Variants in CLMN observed in about 807,000 individuals in gnomAD.
The protein encoded by CLMN is calmin, also known as calmin (calponin-like, transmembrane).
CLMN carries 57 observed loss-of-function variants against 92.7 expected under a neutral mutation model. That is an observed-to-expected ratio of 0.61 (90% confidence interval 0.50 to 0.77). The LOEUF (loss-of-function observed/expected upper bound fraction) is 0.77. Among genes scored for constraint, CLMN ranks in the 30% least tolerant of loss-of-function variants. The pLI, the probability that CLMN is intolerant of heterozygous loss-of-function variation, is 0.00. For synonymous variants in CLMN, 466 were observed against 470.6 expected, an observed-to-expected ratio of 0.99 and a Z score of 0.13; for missense variants, 1,158 against 1,237.5, an observed-to-expected ratio of 0.94 and a Z score of 0.96.
chr14:95,253,673 C>T (rs1039771766), intron 1 of CLMN, among the ~76,000 whole-genome samples: 4 of 149,820 alleles, frequency 2.7e-5, no homozygotes, highest in East Asian at 2.0e-4. Flanking sequence ...AGTGCAGTGG[C>T]GCGATCTCGG....
At position 95,221,767 on chromosome 14, in the gene CLMN, T is replaced by C. The variant is rs1897549569; in HGVS notation, c.248A>G (p.Glu83Gly). ...EVLSGRNLLH[E>G]YKSSSHRIFR... ...AATACGATGCGACGAGGATTTGTAT[T>C]CGTGCAGCTATAAAACAGAACAGAA... Residue 83 changes from glutamate (E) to glycine (G), a missense_variant, in exon 4 of 13, where the codon GAA (glutamate) becomes GGA (glycine). Coordinates refer to ENST00000298912, the MANE Select transcript of CLMN (RefSeq NM_024734.4). The C allele has an allele frequency of 6.2e-7, 1 of 1,614,066 alleles. No homozygotes were observed. The highest frequency in any genetic ancestry group is 8.5e-7 in the Non-Finnish European group (1 of 1,180,026).
chr14:95,237,809 C>T (rs144647652), intron 1 of CLMN, among the ~76,000 whole-genome samples: 133 of 152,292 alleles, frequency 8.7e-4, no homozygotes, highest in African/African-American at 2.7e-3. Flanking sequence ...TTTACATGCA[C>T]TTGCTCATTC....
At chr14:95,289,322 C>A (rs948445689) in intron 1 of CLMN, among the ~76,000 whole-genome samples, 1 of 152,050 alleles carries the variant, frequency 6.6e-6, no homozygotes, top group Non-Finnish European at 1.5e-5. Flanking sequence ...GAAACTCCAT[C>A]TCTGCTAAAA....
intron 1 of CLMN, among the ~76,000 whole-genome samples, chr14:95,242,660 A>G (rs28627633): frequency 0.15 from 21,862 of 149,752 alleles, 2,976 homozygotes; most frequent in African/African-American, 0.36. Context: ...ATCCACCTCC[A>G]CAGTTCAAGT....
intron 1 of CLMN, among the ~76,000 whole-genome samples, chr14:95,255,924 G>A (rs572222117): frequency 2.0e-5 from 3 of 152,272 alleles, no homozygotes; most frequent in African/African-American, 7.2e-5. Context: ...CATGTACCAT[G>A]TTATAGCAGA....
intron 1 of CLMN, among the ~76,000 whole-genome samples, chr14:95,288,020 A>C (rs35175725): frequency 6.6e-6 from 1 of 152,234 alleles, no homozygotes; most frequent in Non-Finnish European, 1.5e-5. Flanking sequence ...TTTTATGCCC[A>C]TTTTGCAGCA....
At position 95,198,503 on chromosome 14, in the gene CLMN, G is replaced by A. The variant is rs114430603; in HGVS notation, c.2512-1809C>T. Among the ~76,000 whole-genome samples the A allele has an allele frequency of 2.4e-3, 362 of 152,104 alleles. 1 individual carries two copies. Among genetic ancestry groups the A allele is most frequent in the African/African-American group, 8.2e-3 (340 of 41,568 alleles). On this transcript the variant is annotated intron_variant, in intron 9 of 12. Transcript: ENST00000298912. ...CGCTCACCCACACGGATTGAGGCAA[G>A]GGCTGCACTTGGGAGCAAATTGCAA...
intron 1 of CLMN, among the ~76,000 whole-genome samples, chr14:95,248,853 T>C (rs2140673958): frequency 6.6e-6 from 1 of 152,334 alleles, no homozygotes; most frequent in Admixed American, 6.5e-5. Flanking sequence ...ATATTTTTTC[T>C]ACCATAAGTA....
Position 95,279,485 on chromosome 14 carries a change from T to C in CLMN, c.82+40226A>G, listed in dbSNP as rs375585272. 6.6e-5 allele frequency among the ~76,000 whole-genome samples: 10 copies of C among 152,286 alleles called. No individual in the cohort carries two copies. The East Asian group carries it at 1.7e-3, about 26-fold the overall frequency. On this transcript the variant is annotated intron_variant, in intron 1 of 12. Coordinates refer to ENST00000298912, the MANE Select transcript of CLMN (RefSeq NM_024734.4). ...TGTCCTAGGCTCCACACCTGGTACA[T>C]AATTAAAATCACTTACTGGCCAGGG...
intron 1 of CLMN, among the ~76,000 whole-genome samples, chr14:95,249,228 C>T (rs773171327): frequency 6.6e-6 from 1 of 152,198 alleles, no homozygotes; most frequent in Non-Finnish European, 1.5e-5. Flanking sequence ...TATCTTTTCT[C>T]GCCTTTCCTG....
At chr14:95,255,929 A>G (rs1898981559) in intron 1 of CLMN, among the ~76,000 whole-genome samples, 1 of 152,190 alleles carries the variant, frequency 6.6e-6, no homozygotes, top group Admixed American at 6.5e-5. Flanking sequence ...ACCATGTTAT[A>G]GCAGAACTGA....
At chr14:95,280,234 G>C (rs1900095011) in intron 1 of CLMN, among the ~76,000 whole-genome samples, 1 of 152,100 alleles carries the variant, frequency 6.6e-6, no homozygotes, top group Non-Finnish European at 1.5e-5. Flanking sequence ...AAACAGTTTT[G>C]AAAATATTAC....
chr14:95,274,805 C>T (rs1256053041), intron 1 of CLMN, among the ~76,000 whole-genome samples: 1 of 152,118 alleles, frequency 6.6e-6, no homozygotes, highest in Non-Finnish European at 1.5e-5. Flanking sequence ...AAGGTGAAAC[C>T]CTGTCTCTAC....
In CLMN at chr14:95,183,832, T is replaced by A. The variant is rs1175605694; in HGVS notation, c.*7732A>T. The A allele has an allele frequency of 6.6e-6, 1 of 152,246 alleles. No individual in the cohort carries two copies. The highest frequency in any genetic ancestry group is 2.4e-5 in the African/African-American group (1 of 41,478). The allele number at this position is 152,246 out of a possible 1,614,324, so 9.4% of individuals were successfully genotyped here. On this transcript the variant is annotated 3_prime_UTR_variant, in exon 13 of 13. Coordinates refer to ENST00000298912, the MANE Select transcript of CLMN (RefSeq NM_024734.4). Reference sequence around the variant, plus strand: ...AGTTCTGCTACTTACTAGTTCACGCTATGACCTTATTTTTCTGTCCTGTGC... The same window carrying A: ...AGTTCTGCTACTTACTAGTTCACGCAATGACCTTATTTTTCTGTCCTGTGC...
intron 5 of CLMN, among the ~76,000 whole-genome samples, chr14:95,215,033 AC>A: frequency 1.3e-5 from 2 of 152,208 alleles, no homozygotes; most frequent in East Asian, 3.8e-4. Context: ...GCGGCAAACC[AC>A]CATGGCACGT....
chr14:95,246,906 C>T (rs1566892538), intron 1 of CLMN, among the ~76,000 whole-genome samples: 1 of 152,174 alleles, frequency 6.6e-6, no homozygotes, highest in Non-Finnish European at 1.5e-5. Context: ...CAGCTGCAAC[C>T]TTAACTGCTA....
chr14:95,306,393 A>C (rs905104058), intron 1 of CLMN, among the ~76,000 whole-genome samples: 1 of 152,114 alleles, frequency 6.6e-6, no homozygotes, highest in African/African-American at 2.4e-5. Flanking sequence ...CACGTCTGTA[A>C]TCCCAGCTAC....
At chr14:95,215,817 G>C (rs72710117) in intron 4 of CLMN, 84 bp from the exon 5 acceptor site, 430 of 9,122 alleles carry the variant, frequency 0.047, no homozygotes, top group South Asian at 0.18. Context: ...CTCTCTCTCT[G>C]TGTGTGTGTG....
chr14:95,245,251 TATAA>T (rs1473304976), intron 1 of CLMN, among the ~76,000 whole-genome samples: 9 of 36,890 alleles, frequency 2.4e-4, no homozygotes, highest in Non-Finnish European at 2.9e-4. Context: ...TATATATATA[TATAA>T]TATATATATA....
Sources: allele counts gnomAD v4.1 joint callset (sites outside exome capture counted in the v4.1 genomes callset), GRCh38; gene constraint gnomAD v4.1.1; transcripts MANE v1.5; gene names NCBI Gene and HGNC (gene_info 2026-07-23, HGNC 2026-07-21).